The following KCNH7 variants were observed in gnomAD, a reference collection of about 807,000 sequenced individuals.
The protein encoded by KCNH7 is voltage-gated inwardly rectifying potassium channel KCNH7.
KCNH7 carries 49 observed loss-of-function variants against 120.8 expected under a neutral mutation model. That is an observed-to-expected ratio of 0.41 (90% CI 0.32 to 0.51). KCNH7 has a LOEUF of 0.51. KCNH7 is among the 20% of genes least tolerant of loss of function. The probability of loss-of-function intolerance (pLI) is 0.38; values close to 1 mark genes in which losing one functional copy is unlikely to be tolerated. For missense variants in KCNH7, 1,097 were observed against 1,446.6 expected (o/e 0.76, Z 3.92); for synonymous variants, 547 against 516.1 (o/e 1.06, Z -0.81).
chr2:162,452,281 A>G (rs779792156), intron 6 of KCNH7, among the ~76,000 whole-genome samples: 1 of 152,084 alleles, frequency 6.6e-6, no homozygotes, highest in Non-Finnish European at 1.5e-5. Context: ...ACAGGTTAAG[A>G]AAAGAATTCT....
At chr2:162,739,629 T>C (rs1037944496) in intron 2 of KCNH7, among the ~76,000 whole-genome samples, 2 of 152,138 alleles carry the variant, frequency 1.3e-5, no homozygotes, top group African/African-American at 4.8e-5. Context: ...GGCTGGGACC[T>C]GCAGTGAGCC....
At chr2:162,717,765 G>C (rs1687178709) in intron 2 of KCNH7, among the ~76,000 whole-genome samples, 2 of 151,944 alleles carry the variant, frequency 1.3e-5, no homozygotes, top group South Asian at 4.1e-4. Context: ...CTGTATTCCT[G>C]ACACTTGAGT....
chr2:162,470,509 G>A (rs1274665228), intron 6 of KCNH7, among the ~76,000 whole-genome samples: 8 of 151,872 alleles, frequency 5.3e-5, no homozygotes, highest in Non-Finnish European at 1.0e-4. Flanking sequence ...CCCTCTGCCG[G>A]GCAGCCACCC....
rs1420817543 is a variant in KCNH7 at position 162,465,660 on chromosome 2, C to T, written c.1129-19217G>A. ...GTGAGTCATGCTGAGTAATGGTGCG[C>T]ATTGTATTCATTGAGGTTATAAGCA... On this transcript the variant is annotated intron_variant, in intron 6 of 15. Transcript: ENST00000332142. 4.6e-5 allele frequency among the ~76,000 whole-genome samples: 7 copies of T among 152,188 alleles called. No individual in the cohort carries two copies. In the East Asian group the frequency reaches 7.7e-4, roughly 17 times the overall value.
At chr2:162,707,783 GT>G (rs1686767226) in intron 2 of KCNH7, among the ~76,000 whole-genome samples, 1 of 152,050 alleles carries the variant, frequency 6.6e-6, no homozygotes, top group Admixed American at 6.6e-5. Context: ...CTACTACTAC[GT>G]TTACCCCATT....
intron 2 of KCNH7, among the ~76,000 whole-genome samples, chr2:162,653,049 C>A (rs1684623327): frequency 6.6e-6 from 1 of 152,160 alleles, no homozygotes; most frequent in Non-Finnish European, 1.5e-5. Context: ...AATTCCATTT[C>A]ACTTGGGGGA....
At chr2:162,533,891 A>G (rs757112249) in intron 3 of KCNH7, among the ~76,000 whole-genome samples, 2 of 151,518 alleles carry the variant, frequency 1.3e-5, no homozygotes, top group Admixed American at 1.3e-4. Flanking sequence ...TATTCACATG[A>G]CATACTCATG....
intron 2 of KCNH7, among the ~76,000 whole-genome samples, chr2:162,538,319 C>T (rs1046979905): frequency 1.3e-5 from 2 of 152,028 alleles, no homozygotes; most frequent in Non-Finnish European, 2.9e-5. Context: ...CCCAGGGAAA[C>T]CAAAAGATCG....
chr2:162,504,291 TAG>T, intron 6 of KCNH7, 150 bp downstream of exon 6: 1 of 628,082 alleles, frequency 1.6e-6, no homozygotes, highest in Admixed American at 2.9e-5. Context: ...TCTGTTATAT[TAG>T]AGAGTTACCC....
intron 2 of KCNH7, among the ~76,000 whole-genome samples, chr2:162,748,278 G>A (rs940908772): frequency 6.6e-6 from 1 of 152,134 alleles, no homozygotes; most frequent in Non-Finnish European, 1.5e-5. Flanking sequence ...TGTCTTCACT[G>A]TAGTTTTAAA....
At chr2:162,396,396 T>C (rs975868296) in intron 11 of KCNH7, among the ~76,000 whole-genome samples, 4 of 151,796 alleles carry the variant, frequency 2.6e-5, no homozygotes, top group African/African-American at 7.2e-5. Context: ...CTGTATAAGA[T>C]AAACTCAAGT....
intron 2 of KCNH7, among the ~76,000 whole-genome samples, chr2:162,545,820 G>A (rs1692459063): frequency 6.6e-6 from 1 of 152,018 alleles, no homozygotes; most frequent in Admixed American, 6.6e-5. Context: ...ACATATCCAA[G>A]GAAATATTTT....
intron 2 of KCNH7, among the ~76,000 whole-genome samples, chr2:162,736,718 TAGAG>T (rs964991807): frequency 6.6e-6 from 1 of 151,966 alleles, no homozygotes; most frequent in African/African-American, 2.4e-5. Context: ...CAGAGGAAGA[TAGAG>T]AGCATCAAGC....
chr2:162,588,582 A>C (rs1694099600), intron 2 of KCNH7, among the ~76,000 whole-genome samples: 2 of 152,030 alleles, frequency 1.3e-5, no homozygotes, highest in Non-Finnish European at 2.9e-5. Flanking sequence ...ATTTTAAAGT[A>C]TTTTGTATAG....
chr2:162,655,758 A>G (rs1318898007), intron 2 of KCNH7, among the ~76,000 whole-genome samples: 1 of 152,116 alleles, frequency 6.6e-6, no homozygotes, highest in African/African-American at 2.4e-5. Context: ...GTGCCACTGC[A>G]CTCCAGCCTG....
intron 2 of KCNH7, among the ~76,000 whole-genome samples, chr2:162,619,070 G>A (rs542098424): frequency 2.0e-5 from 3 of 152,200 alleles, no homozygotes; most frequent in Middle Eastern, 3.4e-3. Context: ...TCCACTGAAC[G>A]TTCAACTCAT....
At chr2:162,507,509 C>G (rs1229455183) in intron 5 of KCNH7, among the ~76,000 whole-genome samples, 2 of 151,608 alleles carry the variant, frequency 1.3e-5, no homozygotes, top group Non-Finnish European at 3.0e-5. Flanking sequence ...TCTGCCACAA[C>G]TTCTCTATAA....
chr2:162,670,232 G>A (rs1424297404), intron 2 of KCNH7, among the ~76,000 whole-genome samples: 8 of 151,884 alleles, frequency 5.3e-5, no homozygotes, highest in Non-Finnish European at 1.0e-4. Flanking sequence ...CAGCACTTTG[G>A]GAGACCGAGG....
chr2:162,458,340 A>G (rs964070942), intron 6 of KCNH7, among the ~76,000 whole-genome samples: 1 of 152,214 alleles, frequency 6.6e-6, no homozygotes, highest in African/African-American at 2.4e-5. Context: ...AAATATATGC[A>G]TATTAAAAAA....
Sources: allele counts gnomAD v4.1 joint callset (sites outside exome capture counted in the v4.1 genomes callset), GRCh38; gene constraint gnomAD v4.1.1; transcripts MANE v1.5; gene names NCBI Gene and HGNC (gene_info 2026-07-23, HGNC 2026-07-21).